Variants in CEACAM7 observed in about 807,000 individuals in gnomAD.
The protein encoded by CEACAM7 is cell adhesion molecule CEACAM7.
Under a neutral mutation model 25.7 loss-of-function variants are expected in CEACAM7, and 24 were observed. The observed-to-expected ratio is 0.93, with a 90% CI of 0.68 to 1.31. The LOEUF is 1.31. Among genes scored for constraint, CEACAM7 ranks in the 40% most tolerant of loss-of-function variants. The pLI is 0.00. For synonymous variants in CEACAM7, 144 were observed against 129.4 expected (o/e 1.11, Z -0.77); for missense variants, 324 against 330.1 (o/e 0.98, Z 0.14).
intron 2 of CEACAM7, among the ~76,000 whole-genome samples, chr19:41,686,624 G>GC (rs1205884032): frequency 1.3e-5 from 2 of 152,152 alleles, no homozygotes; most frequent in Non-Finnish European, 2.9e-5. Context: ...CCTGCTGAGT[G>GC]CCCCCCATCA....
rs1555811274 is a variant in CEACAM7 at position 41,687,014 on chromosome 19, G to T, written c.272C>A (p.Ala91Asp). ...GYVKNISQEN[A>D]PGPAHNGRET... is the part of the protein sequence containing the mutation. ...TCGACCGTTGTGTGCGGGCCCTGGG[G>T]CATTTTCTTGACTTATATTTTTTAC... Residue 91 changes from alanine (A) to aspartate (D), a missense_variant, in exon 2 of 5, where the codon GCC becomes GAC. Ala to Asp is a moderately radical substitution (Grantham distance 126). Coordinates refer to ENST00000401731, the MANE Select transcript of CEACAM7 (RefSeq NM_001291485.2). The T allele has an allele frequency of 6.2e-7, 1 of 1,613,812 alleles. No individual in the cohort carries two copies. Among genetic ancestry groups the T allele is most frequent in the Non-Finnish European group, 8.5e-7 (1 of 1,179,944 alleles).
At chr19:41,688,019 C>T in intron 1 of CEACAM7, 83 bp downstream of exon 1, 2 of 1,297,332 alleles carry the variant, frequency 1.5e-6, no homozygotes, top group Admixed American at 2.2e-5. Context: ...TTTGTCCCCT[C>T]TCAGAGCCCC....
intron 2 of CEACAM7, among the ~76,000 whole-genome samples, chr19:41,686,109 CT>C (rs1161506659): frequency 1.3e-5 from 2 of 152,174 alleles, no homozygotes; most frequent in Non-Finnish European, 2.9e-5. Context: ...GATTGTTTGC[CT>C]CCAGGAGTGG....
intron 1 of CEACAM7, 34 bp from the exon 2 acceptor site, chr19:41,687,255 G>C: frequency 6.4e-7 from 1 of 1,553,008 alleles, no homozygotes; most frequent in South Asian, 1.2e-5. Context: ...TCAATATTGG[G>C]ACCTATGTAT....
At chr19:41,684,931 C>T (rs1407434121) in intron 2 of CEACAM7, among the ~76,000 whole-genome samples, 2 of 152,252 alleles carry the variant, frequency 1.3e-5, no homozygotes, top group African/African-American at 4.8e-5. Flanking sequence ...TCAAATTCAT[C>T]TAAACTAGGC....
chr19:41,676,530 G>A (rs1277759076), intron 4 of CEACAM7, among the ~76,000 whole-genome samples: 1 of 152,078 alleles, frequency 6.6e-6, no homozygotes, highest in South Asian at 2.1e-4. Context: ...CTGGCCCTTT[G>A]TCTTATCGTC....
At chr19:41,682,650 C>T (rs943784300) in intron 3 of CEACAM7, among the ~76,000 whole-genome samples, 1 of 152,166 alleles carries the variant, frequency 6.6e-6, no homozygotes, top group African/African-American at 2.4e-5. Flanking sequence ...CAGGGCAGGG[C>T]CAGTCACCAG....
rs1555809864 is a variant in CEACAM7 at position 41,674,117 on chromosome 19, C to T, written c.*659G>A. The T allele has an allele frequency of 6.6e-6, 1 of 152,240 alleles. No individual in the cohort carries two copies. The highest frequency in any genetic ancestry group is 1.5e-5 in the Non-Finnish European group (1 of 68,040). 9.4% of individuals were successfully genotyped at this position (152,240 alleles called of 1,614,324 possible). On this transcript the variant is annotated 3_prime_UTR_variant, in exon 5 of 5. Transcript: ENST00000401731. ...GAAGTGTCAGCAACTGCACAAACTCCTCCCTGTTCAGCTAGTAGGCAGCAA... is the reference window on the plus strand; with the variant it reads ...GAAGTGTCAGCAACTGCACAAACTCTTCCCTGTTCAGCTAGTAGGCAGCAA...
intron 3 of CEACAM7, among the ~76,000 whole-genome samples, chr19:41,679,063 T>C (rs2072146124): frequency 6.6e-6 from 1 of 151,876 alleles, no homozygotes; most frequent in Non-Finnish European, 1.5e-5. Flanking sequence ...AGAAAAGCAA[T>C]GAAACCAAAA....
In CEACAM7 at chr19:41,687,377, T is replaced by C. The variant is rs532039372; in HGVS notation, c.65-156A>G. Among the ~76,000 whole-genome samples the C allele has an allele frequency of 2.4e-3, 368 of 152,202 alleles. 2 individuals are homozygous for C. The highest frequency in any genetic ancestry group is 8.7e-3 in the African/African-American group (360 of 41,528). ...TCCTACTGGATCAATGTCAGCAGCA[T>C]GTCCCCTATCAGCACCTCTGACCTT... On this transcript the variant is annotated intron_variant, in intron 1 of 4. Coordinates refer to ENST00000401731, the MANE Select transcript of CEACAM7 (RefSeq NM_001291485.2).
intron 1 of CEACAM7, among the ~76,000 whole-genome samples, chr19:41,687,643 T>C (rs2072242524): frequency 6.6e-6 from 1 of 152,244 alleles, no homozygotes; most frequent in African/African-American, 2.4e-5. Flanking sequence ...GCGTGAGCTC[T>C]GTGAGGGCAG....
intron 3 of CEACAM7, among the ~76,000 whole-genome samples, chr19:41,681,956 T>A (rs931423386): frequency 8.5e-5 from 13 of 152,240 alleles, no homozygotes; most frequent in Admixed American, 7.2e-4. Flanking sequence ...TAAACCATAC[T>A]TTTTTTGGAG....
chr19:41,679,105 A>G (rs138073621), intron 3 of CEACAM7, among the ~76,000 whole-genome samples: 49 of 152,320 alleles, frequency 3.2e-4, no homozygotes, highest in African/African-American at 1.0e-3. Context: ...AACAAAATTC[A>G]AAACCTTTAA....
At position 41,687,160 on chromosome 19, in the gene CEACAM7, C is replaced by T. The variant is rs782565655; in HGVS notation, c.126G>A (p.Pro42=). The T allele has an allele frequency of 2.0e-5, 32 of 1,613,752 alleles. No homozygotes were observed. The Middle Eastern group carries it at 4.9e-4, about 25-fold the overall frequency. Residue 42 remains proline, a synonymous_variant, in exon 2 of 5, where the codon CCG becomes CCA. Transcript: ENST00000401731. ...NSAQTNIDVV[P]FNVAEGKEVL... is the part of the protein sequence containing the mutation. ...CCTCCTTCCCTTCTGCGACATTGAACGGCACGACATCAATATTGGTCTGGG... is the reference window on the plus strand; with the variant it reads ...CCTCCTTCCCTTCTGCGACATTGAATGGCACGACATCAATATTGGTCTGGG...
chr19:41,683,636 G>T, intron 3 of CEACAM7, 149 bp downstream of exon 3: 1 of 1,358,966 alleles, frequency 7.4e-7, no homozygotes, highest in Non-Finnish European at 1.0e-6. Context: ...GTCTGCCCAG[G>T]TTTGCTTGTG....
chr19:41,680,374 C>T (rs1555810566), intron 3 of CEACAM7, among the ~76,000 whole-genome samples: 1 of 151,780 alleles, frequency 6.6e-6, no homozygotes, highest in Non-Finnish European at 1.5e-5. Context: ...TAATGCAATC[C>T]CTACCAGAAT....
intron 3 of CEACAM7, among the ~76,000 whole-genome samples, chr19:41,678,319 GTATATGTAT>G (rs1397079873): frequency 2.8e-5 from 3 of 107,682 alleles, no homozygotes; most frequent in Admixed American, 8.4e-5. Context: ...CCATGTATAT[GTATATGTAT>G]ATGTATATGT....
At chr19:41,686,580 G>T (rs1171586209) in intron 2 of CEACAM7, among the ~76,000 whole-genome samples, 1 of 152,138 alleles carries the variant, frequency 6.6e-6, no homozygotes, top group Non-Finnish European at 1.5e-5. Context: ...TTTTCAGGGG[G>T]AGGGCACAGA....
chr19:41,686,884 T>C lies in CEACAM7; in HGVS notation c.402A>G (p.Glu134=). 1.3e-6 allele frequency: 2 copies of C among 1,532,238 alleles called. No homozygotes were observed. 94.9% of individuals were successfully genotyped at this position (1,532,238 alleles called of 1,614,324 possible). The change falls in exon 2 of 5, where the codon GAA becomes GAG. Residue 134 remains glutamate, a synonymous_variant. Coordinates refer to ENST00000401731, the MANE Select transcript of CEACAM7 (RefSeq NM_001291485.2). ...AGAATACGTAGAATTGTCTGGTTAC[T>C]TCTTCATTCACAAGATTTTCTTTTA... The part of the protein sequence containing the change: ...HVIKENLVNE[E]VTRQFYVFSE...
Sources: gnomAD v4.1 joint callset for allele counts (sites outside exome capture counted in the v4.1 genomes callset) on GRCh38, gnomAD v4.1.1 for gene constraint, MANE v1.5 for transcripts, NCBI Gene and HGNC (gene_info 2026-07-23, HGNC 2026-07-21) for gene names.